ZDHHC1: variants seen among roughly 807,000 people sequenced by gnomAD.
ZDHHC1 encodes zDHHC palmitoyltransferase 1, also known as palmitoyltransferase ZDHHC1.
Under a neutral mutation model 46.9 loss-of-function variants are expected in ZDHHC1, and 45 were observed. That is an observed-to-expected ratio of 0.96 (90% CI 0.76 to 1.23). The LOEUF (loss-of-function observed/expected upper bound fraction) is 1.23, where lower values mean the gene tolerates loss of function less well. ZDHHC1 is among the 50% of genes most tolerant of loss of function. The pLI is 0.00. For synonymous variants in ZDHHC1, 291 were observed against 286.0 expected (o/e 1.02, Z -0.18); for missense variants, 649 against 670.8 (o/e 0.97, Z 0.36).
intron 4 of ZDHHC1, among the ~76,000 whole-genome samples, chr16:67,400,433 G>A (rs571666542): frequency 1.4e-4 from 21 of 152,328 alleles, no homozygotes; most frequent in African/African-American, 5.1e-4. Context: ...TGGCCCCCCT[G>A]GGCCTCAGAC....
Position 67,398,958 on chromosome 16 carries a change from T to C in ZDHHC1, c.531-14A>G, listed in dbSNP as rs1165864031. 3 of 1,610,946 alleles carry C rather than the reference T, an allele frequency of 1.9e-6. No homozygotes were observed. The highest frequency in any genetic ancestry group is 2.5e-6 in the Non-Finnish European group (3 of 1,178,778). On this transcript the variant is annotated splice_polypyrimidine_tract_variant and intron_variant, in intron 5 of 11. Coordinates refer to ENST00000565726, the MANE Select transcript of ZDHHC1 (RefSeq NM_001323627.2). The stretch of plus-strand genomic sequence containing the variant: ...TGTAGAAAGAGCCTGGGCCCAGCCA[T>C]GGGTCGCTGTCAGCTCCCCGGAGCT...
At chr16:67,395,822 A>G (rs1483684479) in intron 8 of ZDHHC1, 1 of 519,926 alleles carries the variant, frequency 1.9e-6, no homozygotes, top group African/African-American at 1.9e-5. Context: ...CCCAGCCCCC[A>G]TGGGTCTATA....
intron 8 of ZDHHC1, chr16:67,395,980 G>A (rs746379366): frequency 2.2e-4 from 42 of 192,344 alleles, no homozygotes; most frequent in Non-Finnish European, 3.9e-4. Flanking sequence ...ACCAGCTCCC[G>A]CAGAGCTGAG....
Position 67,399,008 on chromosome 16 carries a change from T to C in ZDHHC1, c.531-64A>G. On this transcript the variant is annotated intron_variant, in intron 5 of 11. Coordinates refer to ENST00000565726, the MANE Select transcript of ZDHHC1 (RefSeq NM_001323627.2). The stretch of plus-strand genomic sequence containing the variant: ...TCCAGCCTCAGAAGGCCCATAGGAG[T>C]TGGGGCTGTAGGGTCATTGCTATGG... 3 of 1,575,446 alleles carry C rather than the reference T, an allele frequency of 1.9e-6. No homozygotes were observed. The South Asian group carries it at 3.5e-5, about 18-fold the overall frequency.
chr16:67,411,539 T>C (rs1429351069), intron 1 of ZDHHC1, among the ~76,000 whole-genome samples: 4 of 152,230 alleles, frequency 2.6e-5, no homozygotes, highest in African/African-American at 9.7e-5. Flanking sequence ...TATCCAAGTC[T>C]GGCGAAACTT....
Position 67,406,521 on chromosome 16 carries a change from T to G in ZDHHC1, c.10-79A>C. The G allele has an allele frequency of 1.4e-6, 2 of 1,437,544 alleles. No homozygotes were observed. Among genetic ancestry groups the G allele is most frequent in the Non-Finnish European group, 1.8e-6 (2 of 1,094,912 alleles). 89.0% of individuals were successfully genotyped at this position (1,437,544 alleles called of 1,614,324 possible). The stretch of plus-strand genomic sequence containing the variant: ...CCCAGGGCCTGTGTCTGCAGCCAAG[T>G]TTCAGCACAGGGGGAGTAGGCTGCG... On this transcript the variant is annotated intron_variant, in intron 2 of 11. Transcript: ENST00000565726. The surrounding 1 kb of genome is among the most constrained non-coding windows in gnomAD (Gnocchi z 4.1).
rs910930618 is a variant in ZDHHC1, at chr16:67,399,025, T to C, written c.531-81A>G. On this transcript the variant is annotated intron_variant, in intron 5 of 11. Transcript: ENST00000565726. ...CATAGGAGTTGGGGCTGTAGGGTCA[T>C]TGCTATGGGCTCAGAGGGCTGAGGG... 6.5e-6 allele frequency: 10 copies of C among 1,537,650 alleles called. No individual in the cohort carries two copies. The African/African-American group carries it at 1.2e-4, about 19-fold the overall frequency.
chr16:67,415,527 C>T (rs2040819567), intron 1 of ZDHHC1, among the ~76,000 whole-genome samples: 1 of 151,950 alleles, frequency 6.6e-6, no homozygotes, highest in Admixed American at 6.6e-5. Context: ...GAGGCCGAGG[C>T]GGGTGGATCA....
At position 67,406,478 on chromosome 16, in the gene ZDHHC1, C is replaced by T; in HGVS notation, c.10-36G>A. ...AGAAACAGTAGAGAGAGCATTAGCC[C>T]AAGAAGCTGGGCTGGAGCCCAGGGC... is the stretch of plus-strand genomic sequence containing the variant. On this transcript the variant is annotated intron_variant, in intron 2 of 11. Transcript: ENST00000565726. This position sits in a 1 kb window ranked among gnomAD's most constrained non-coding sequence, Gnocchi z 4.1. The T allele has an allele frequency of 1.4e-6, 2 of 1,466,436 alleles. No individual in the cohort carries two copies. Among genetic ancestry groups the T allele is most frequent in the Non-Finnish European group, 1.8e-6 (2 of 1,106,216 alleles). 90.8% of individuals were successfully genotyped at this position (1,466,436 alleles called of 1,614,324 possible).
chr16:67,401,180 C>A lies in ZDHHC1; in HGVS notation c.253-48G>T, dbSNP rs1353884270. The A allele has an allele frequency of 6.3e-7, 1 of 1,594,052 alleles. No individual in the cohort carries two copies. On this transcript the variant is annotated intron_variant, in intron 3 of 11. Transcript: ENST00000565726. The surrounding 1 kb of genome is among the most constrained non-coding windows in gnomAD (Gnocchi z 4.6). Reference sequence around the variant, plus strand: ...CACTCCACTCTGCCGGCTGGGAGTCCTGCCCCGTTCCTTGCAGCCAGAGAA... The same window carrying A: ...CACTCCACTCTGCCGGCTGGGAGTCATGCCCCGTTCCTTGCAGCCAGAGAA...
intron 1 of ZDHHC1, among the ~76,000 whole-genome samples, chr16:67,409,595 A>G (rs1259902016): frequency 1.3e-5 from 2 of 152,194 alleles, no homozygotes; most frequent in Non-Finnish European, 2.9e-5. Context: ...GATTTTGATT[A>G]AAAGGGCTGG....
intron 10 of ZDHHC1, 29 bp from the exon 11 acceptor site, chr16:67,395,091 CCCACAT>C: frequency 6.2e-7 from 1 of 1,613,290 alleles, no homozygotes. Context: ...GCCTGAGGGC[CCCACAT>C]CGCCAAAAGA....
intron 3 of ZDHHC1, among the ~76,000 whole-genome samples, chr16:67,405,293 C>A (rs1044123513): frequency 6.6e-5 from 10 of 152,214 alleles, no homozygotes; most frequent in Non-Finnish European, 1.5e-5. Flanking sequence ...GCCTTCCCAT[C>A]AGACAGAGGA....
At chr16:67,398,109 T>C in intron 8 of ZDHHC1, 103 bp downstream of exon 8, 1 of 1,151,582 alleles carries the variant, frequency 8.7e-7, no homozygotes. Context: ...CCCCAGCGGC[T>C]GTTCCAGGCT....
rs1231520619 is a variant in ZDHHC1 at position 67,401,607 on chromosome 16, C to T, written c.253-475G>A. Among the ~76,000 whole-genome samples the T allele has an allele frequency of 6.6e-6, 1 of 152,240 alleles. No homozygotes were observed. Among genetic ancestry groups the T allele is most frequent in the African/African-American group, 2.4e-5 (1 of 41,458 alleles). On this transcript the variant is annotated intron_variant, in intron 3 of 11. Transcript: ENST00000565726. This position sits in a 1 kb window ranked among gnomAD's most constrained non-coding sequence, Gnocchi z 4.6. The stretch of plus-strand genomic sequence containing the variant: ...CTCCAAAAGGGATGCAGCCACCCCC[C>T]TTTTCAGTAGCTGGGCCAGATGGAG...
intron 1 of ZDHHC1, among the ~76,000 whole-genome samples, chr16:67,414,200 A>G (rs1245425676): frequency 6.6e-6 from 1 of 152,238 alleles, no homozygotes; most frequent in African/African-American, 2.4e-5. Context: ...TGCAGGAGCC[A>G]GCCTTGGGGA....
intron 10 of ZDHHC1, 28 bp downstream of exon 10, chr16:67,395,159 A>T (rs1011895123): frequency 1.2e-6 from 2 of 1,612,924 alleles, no homozygotes; most frequent in Non-Finnish European, 1.7e-6. Context: ...CTCCACCTGG[A>T]CCGGAGGCCC....
intron 8 of ZDHHC1, chr16:67,395,770 C>T (rs1398979775): frequency 1.5e-5 from 9 of 595,654 alleles, no homozygotes; most frequent in Non-Finnish European, 2.4e-5. Context: ...ATCCCCAGGT[C>T]CTTACCTCAT....
At chr16:67,396,279 C>T (rs1334687602) in intron 8 of ZDHHC1, 2 of 152,152 alleles carry the variant, frequency 1.3e-5, no homozygotes, top group Non-Finnish European at 2.9e-5. Flanking sequence ...CAGGACTCGC[C>T]CCAGCTTTGC....
Sources: gnomAD v4.1 joint callset for allele counts (sites outside exome capture counted in the v4.1 genomes callset) on GRCh38, gnomAD v4.1.1 for gene constraint, Gnocchi (gnomAD v3.1) non-coding constraint, MANE v1.5 for transcripts, NCBI Gene and HGNC (gene_info 2026-07-23, HGNC 2026-07-21) for gene names.